PPP2R2B: variants seen among roughly 807,000 people sequenced by gnomAD.
PPP2R2B encodes serine/threonine-protein phosphatase 2A 55 kDa regulatory subunit B beta isoform.
PPP2R2B carries 5 observed loss-of-function variants against 46.0 expected under a neutral mutation model. The observed-to-expected ratio is 0.11, with a 90% CI of 0.06 to 0.23. PPP2R2B has a LOEUF of 0.23. Among genes scored for constraint, PPP2R2B ranks in the 10% least tolerant of loss-of-function variants. The pLI, the probability that PPP2R2B is intolerant of heterozygous loss-of-function variation, is 1.00. For synonymous variants in PPP2R2B, 215 were observed against 206.7 expected (o/e 1.04, Z -0.34); for missense variants, 367 against 575.0 (o/e 0.64, Z 3.70).
intron 2 of PPP2R2B, among the ~76,000 whole-genome samples, chr5:146,750,853 C>T (rs1002571389): frequency 3.3e-5 from 5 of 152,046 alleles, no homozygotes; most frequent in South Asian, 2.1e-4. Context: ...CACGTTGGTA[C>T]GCTGGATCCA....
intron 2 of PPP2R2B, among the ~76,000 whole-genome samples, chr5:146,844,145 T>A (rs1162477766): frequency 7.2e-6 from 1 of 139,082 alleles, no homozygotes; most frequent in Non-Finnish European, 1.5e-5. Context: ...TAGGTGGGAA[T>A]TGAACAATGA....
At position 146,679,989 on chromosome 5, in the gene PPP2R2B, A is replaced by T. The variant is rs1400695377; in HGVS notation, c.447+11139T>A. On this transcript the variant is annotated intron_variant, in intron 5 of 9. Coordinates refer to ENST00000394411, the MANE Select transcript of PPP2R2B (RefSeq NM_181675.4). ...AACCATTGTGGAAGTCAGTGTGGCG[A>T]TTCCTCAGGGATCTAGAACTAGAAA... Among the ~76,000 whole-genome samples, 47 of 141,552 alleles carry T rather than the reference A, an allele frequency of 3.3e-4. 1 individual carries two copies. In the South Asian group the frequency reaches 0.011, roughly 33 times the overall value. 92.9% of individuals were successfully genotyped at this position (141,552 alleles called of 152,430 possible).
At chr5:147,081,352 C>T (rs1190065509) in exon 1 of PPP2R2B, 3 of 1,503,082 alleles carry the variant, frequency 2.0e-6, no homozygotes, top group Admixed American at 2.0e-5. Context: ...TGCTCTGTCT[C>T]CTCCGTTTGA....
At chr5:146,662,484 C>T (rs1776729952) in intron 5 of PPP2R2B, among the ~76,000 whole-genome samples, 1 of 152,126 alleles carries the variant, frequency 6.6e-6, no homozygotes, top group African/African-American at 2.4e-5. Context: ...CTGATGCCTG[C>T]CTCCCCGGGG....
intron 1 of PPP2R2B, among the ~76,000 whole-genome samples, chr5:146,994,750 TGA>T (rs1396533452): frequency 6.6e-6 from 1 of 152,106 alleles, no homozygotes; most frequent in Non-Finnish European, 1.5e-5. Context: ...ATGTGAATGG[TGA>T]GGAGTGAGGC....
chr5:147,055,664 C>G lies in PPP2R2B; in HGVS notation c.79+1G>C. ...AGACACTCTCCCTCTCTGGTCTGTA[C>G]CTTCTGTGTGGCAGCTGGAAGAAAG... On this transcript the variant is annotated splice_donor_variant, in intron 1 of 8. Coordinates refer to the PPP2R2B transcript ENST00000336640. LOFTEE classifies it high-confidence loss of function. 6.2e-7 allele frequency: 1 copy of G among 1,607,224 alleles called. No homozygotes were observed. The highest frequency in any genetic ancestry group is 8.5e-7 in the Non-Finnish European group (1 of 1,174,052).
chr5:146,778,176 G>A (rs1046976706), intron 2 of PPP2R2B, among the ~76,000 whole-genome samples: 3 of 152,122 alleles, frequency 2.0e-5, no homozygotes, highest in Non-Finnish European at 2.9e-5. Flanking sequence ...GTTTTTGTCT[G>A]GTGATGTCTC....
chr5:146,672,305 CT>C (rs1462398644), intron 5 of PPP2R2B, among the ~76,000 whole-genome samples: 1 of 152,094 alleles, frequency 6.6e-6, no homozygotes, highest in Non-Finnish European at 1.5e-5. Context: ...ACAATTGCCC[CT>C]GGGTACTGAC....
At chr5:146,960,700 G>A (rs1027154274) in intron 1 of PPP2R2B, among the ~76,000 whole-genome samples, 1 of 152,136 alleles carries the variant, frequency 6.6e-6, no homozygotes, top group South Asian at 2.1e-4. Flanking sequence ...CTGAGCTCTG[G>A]TTAATGTGTC....
chr5:147,019,240 A>G (rs1483106884), intron 1 of PPP2R2B, among the ~76,000 whole-genome samples: 2 of 152,180 alleles, frequency 1.3e-5, no homozygotes, highest in African/African-American at 4.8e-5. Context: ...TATTTAAATA[A>G]CTGCTGTTCA....
chr5:146,807,307 G>GC (rs1757235900), intron 2 of PPP2R2B, among the ~76,000 whole-genome samples: 1 of 152,112 alleles, frequency 6.6e-6, no homozygotes, highest in African/African-American at 2.4e-5. Context: ...GGCTAAGGAG[G>GC]CATGGCAGTA....
At chr5:146,842,046 C>T (rs993496893) in intron 2 of PPP2R2B, among the ~76,000 whole-genome samples, 1 of 152,152 alleles carries the variant, frequency 6.6e-6, no homozygotes, top group Non-Finnish European at 1.5e-5. Context: ...CATCCATACT[C>T]CCTAGCCACA....
chr5:146,967,748 C>G (rs1325572122), intron 1 of PPP2R2B, among the ~76,000 whole-genome samples: 3 of 152,182 alleles, frequency 2.0e-5, no homozygotes, highest in African/African-American at 7.2e-5. Context: ...CATCCTGCAG[C>G]TAGCCCTCCT....
At chr5:146,848,860 T>C (rs1284779167) in intron 2 of PPP2R2B, among the ~76,000 whole-genome samples, 1 of 152,202 alleles carries the variant, frequency 6.6e-6, no homozygotes, top group East Asian at 1.9e-4. Flanking sequence ...CCTCCTCTCC[T>C]ATTTATTCAA....
At chr5:146,733,180 T>C (rs1426636770) in intron 2 of PPP2R2B, among the ~76,000 whole-genome samples, 1 of 152,220 alleles carries the variant, frequency 6.6e-6, no homozygotes, top group Non-Finnish European at 1.5e-5. Flanking sequence ...ACTCATATTC[T>C]TCCCTAAATA....
chr5:146,812,826 TATACAC>T (rs1297904748), intron 2 of PPP2R2B, among the ~76,000 whole-genome samples: 2 of 91,798 alleles, frequency 2.2e-5, no homozygotes, highest in African/African-American at 8.3e-5. Context: ...TATATATATA[TATACAC>T]ACACATTTCC....
chr5:146,935,852 C>T (rs948662716), intron 1 of PPP2R2B, among the ~76,000 whole-genome samples: 1 of 152,148 alleles, frequency 6.6e-6, no homozygotes, highest in Non-Finnish European at 1.5e-5. Flanking sequence ...TATGCTTGGA[C>T]TCAGATAGAG....
At position 146,949,415 on chromosome 5, in the gene PPP2R2B, T is replaced by C. The variant is rs79563653; in HGVS notation, c.79+106250A>G. Among the ~76,000 whole-genome samples, 871 of 152,206 alleles carry C rather than the reference T, an allele frequency of 5.7e-3. 29 individuals carry two copies. In the East Asian group the frequency reaches 0.068, roughly 12 times the overall value. ...CATATATAAAAGTGCTCAATGTCAT[T>C]GATCATCTGAGAAATGCAAATCCAA... On this transcript the variant is annotated intron_variant, in intron 1 of 8. Coordinates refer to the PPP2R2B transcript ENST00000336640.
At chr5:147,057,015 G>GATTTTCT (rs1225535477), upstream of PPP2R2B, among the ~76,000 whole-genome samples, 7 of 152,220 alleles carry the variant, frequency 4.6e-5, no homozygotes, top group African/African-American at 1.7e-4. Context: ...AAATAAAAGT[G>GATTTTCT]TGCCTTGAAA....
Sources: allele counts gnomAD v4.1 joint callset (sites outside exome capture counted in the v4.1 genomes callset), GRCh38; gene constraint gnomAD v4.1.1; transcripts MANE v1.5; gene names NCBI Gene and HGNC (gene_info 2026-07-23, HGNC 2026-07-21).